ADCY9: variants seen among roughly 807,000 people sequenced by gnomAD.
ADCY9 encodes the protein adenylate cyclase type 9.
In ADCY9, 50 loss-of-function variants were observed where a neutral mutation model predicts 101.5. The ratio of observed to expected loss-of-function variants is 0.49; its 90% confidence interval spans 0.39 to 0.62. The LOEUF (loss-of-function observed/expected upper bound fraction) is 0.62, where lower values mean the gene tolerates loss of function less well. Ranked by LOEUF, ADCY9 falls within the 20% of genes least tolerant of loss-of-function variation. The pLI, the probability that ADCY9 is intolerant of heterozygous loss-of-function variation, is 0.00. For missense variants in ADCY9, 1,662 were observed against 1,800.4 expected (o/e 0.92, Z 1.39); for synonymous variants, 905 against 769.3 (o/e 1.18, Z -2.92).
At chr16:3,988,566 C>T (rs2072343) in intron 6 of ADCY9, among the ~76,000 whole-genome samples, 46,109 of 91,916 alleles carry the variant, frequency 0.5, 12,426 homozygotes, top group Non-Finnish European at 0.61. Flanking sequence ...GGTTCCTTTC[C>T]AGGGCAGGTG....
At position 4,051,307 on chromosome 16, in the gene ADCY9, C is replaced by T. The variant is rs544642011; in HGVS notation, c.1694-43749G>A. ...TTGGGAGGCTGAGGCAGGCAGATCA[C>T]GAGGTCAGGGGATTGAGACCATCCT... On this transcript the variant is annotated intron_variant, in intron 2 of 10. Coordinates refer to ENST00000294016, the MANE Select transcript of ADCY9 (RefSeq NM_001116.4). Among the ~76,000 whole-genome samples, 17 of 151,912 alleles carry T rather than the reference C, an allele frequency of 1.1e-4. No homozygotes were observed. In the South Asian group the frequency reaches 1.9e-3, roughly 17 times the overall value.
chr16:4,059,203 T>A (rs984215606), intron 2 of ADCY9, among the ~76,000 whole-genome samples: 4 of 151,534 alleles, frequency 2.6e-5, no homozygotes, highest in Non-Finnish European at 4.4e-5. Context: ...CTGGCCAACA[T>A]GATGAAACTC....
intron 2 of ADCY9, among the ~76,000 whole-genome samples, chr16:4,099,370 G>C (rs180993158): frequency 2.0e-4 from 31 of 152,272 alleles, no homozygotes; most frequent in Non-Finnish European, 1.0e-4. Context: ...CAAGGAACTC[G>C]AAGATGCACA....
At chr16:4,025,582 C>G (rs781427399) in intron 2 of ADCY9, among the ~76,000 whole-genome samples, 6 of 152,132 alleles carry the variant, frequency 3.9e-5, no homozygotes, top group Admixed American at 1.3e-4. Flanking sequence ...CACACGCGGT[C>G]AGTCCTTTGG....
chr16:4,061,070 T>A (rs943537021), intron 2 of ADCY9, among the ~76,000 whole-genome samples: 3 of 151,962 alleles, frequency 2.0e-5, no homozygotes, highest in Non-Finnish European at 2.9e-5. Context: ...TTCAAAAGTA[T>A]AATAACTGTA....
Position 3,966,272 on chromosome 16 carries a change from C to G in ADCY9, c.3565G>C (p.Asp1189His), listed in dbSNP as rs751041166. The change falls in exon 11 of 11, where the codon GAC (aspartate) becomes CAC (histidine). Residue 1189 changes from aspartate to histidine, a missense_variant. This residue lies in a region of ADCY9 where 220 missense variants were observed against 312.9 expected (regional missense o/e 0.70). Coordinates refer to ENST00000294016, the MANE Select transcript of ADCY9 (RefSeq NM_001116.4). Reference sequence around the variant, plus strand: ...ATCCTGCTGGCGATGTTGACGGTGTCTCCCCAGATGTCGTACAGCAGCTTG... The same window carrying G: ...ATCCTGCTGGCGATGTTGACGGTGTGTCCCCAGATGTCGTACAGCAGCTTG... ...TTKLLYDIWG[D>H]TVNIASRMDT... 2 of 1,614,208 alleles carry G rather than the reference C, an allele frequency of 1.2e-6. No individual in the cohort carries two copies. The highest frequency in any genetic ancestry group is 2.2e-5 in the East Asian group (1 of 44,888).
At chr16:4,035,232 A>G (rs2056581408) in intron 2 of ADCY9, among the ~76,000 whole-genome samples, 1 of 152,188 alleles carries the variant, frequency 6.6e-6, no homozygotes, top group Non-Finnish European at 1.5e-5. Flanking sequence ...GGCCTTTGCT[A>G]CCACAACAGC....
At chr16:4,088,588 A>G (rs2141186817) in intron 2 of ADCY9, among the ~76,000 whole-genome samples, 1 of 152,028 alleles carries the variant, frequency 6.6e-6, no homozygotes, top group East Asian at 1.9e-4. Flanking sequence ...CCAAACCAAG[A>G]TTCTTAATCT....
At chr16:4,019,366 A>G (rs555723195) in intron 2 of ADCY9, among the ~76,000 whole-genome samples, 7 of 152,330 alleles carry the variant, frequency 4.6e-5, no homozygotes, top group African/African-American at 1.7e-4. Flanking sequence ...GGGATGTCCC[A>G]GGCTGGGCGA....
chr16:4,034,945 T>C (rs571812925), intron 2 of ADCY9, among the ~76,000 whole-genome samples: 74 of 152,316 alleles, frequency 4.9e-4, no homozygotes, highest in African/African-American at 1.7e-3. Context: ...AGGAAATGTG[T>C]TGATTTGTTC....
In ADCY9 at chr16:3,966,558, G is replaced by A. The variant is rs551214944; in HGVS notation, c.3279C>T (p.Asp1093=). 8 of 1,614,144 alleles carry A rather than the reference G, an allele frequency of 5.0e-6. No homozygotes were observed. Among genetic ancestry groups the A allele is most frequent in the East Asian group, 2.2e-5 (1 of 44,884 alleles). The change falls in exon 11 of 11, where the codon GAC becomes GAT. Residue 1093 remains aspartate (D), a synonymous_variant. Coordinates refer to ENST00000294016, the MANE Select transcript of ADCY9 (RefSeq NM_001116.4). ...RVLNELIGDF[D]ELLSKPDYSS... is the part of the protein sequence containing the mutation. ...TGTAGTCCGGCTTGCTTAGGAGCTC[G>A]TCAAAGTCCCCGATGAGCTCGTTGA...
chr16:4,017,661 G>T, intron 2 of ADCY9, among the ~76,000 whole-genome samples: 1 of 134,872 alleles, frequency 7.4e-6, no homozygotes. Context: ...AAAAAAAAAA[G>T]ATAATGTGGT....
intron 5 of ADCY9, among the ~76,000 whole-genome samples, chr16:3,990,214 C>T (rs2056233015): frequency 6.6e-6 from 1 of 152,120 alleles, no homozygotes; most frequent in Non-Finnish European, 1.5e-5. Context: ...CTTGTAATCC[C>T]CAGACCTTTG....
intron 10 of ADCY9, among the ~76,000 whole-genome samples, chr16:3,969,613 T>TATATATATACG (rs1491520639): frequency 2.5e-5 from 2 of 81,038 alleles, no homozygotes; most frequent in East Asian, 4.3e-4. Flanking sequence ...TATATATGTA[T>TATATATATACG]TTTTTTTTTT....
chr16:3,960,941 G>A (rs567997528), downstream of ADCY9, among the ~76,000 whole-genome samples: 10 of 152,124 alleles, frequency 6.6e-5, no homozygotes, highest in South Asian at 2.1e-4. Flanking sequence ...GGCTTTCTCC[G>A]GTTAGTTTCA....
chr16:4,013,568 C>T (rs1393688554), intron 2 of ADCY9, among the ~76,000 whole-genome samples: 1 of 152,220 alleles, frequency 6.6e-6, no homozygotes, highest in Non-Finnish European at 1.5e-5. Flanking sequence ...TCACTTATGA[C>T]TTAAAACAAT....
intron 2 of ADCY9, among the ~76,000 whole-genome samples, chr16:4,038,589 G>C (rs185469206): frequency 6.6e-6 from 1 of 152,076 alleles, no homozygotes; most frequent in African/African-American, 2.4e-5. Flanking sequence ...GCAGTAAAAC[G>C]GACTGAGATA....
chr16:4,017,988 G>A (rs1301838449), intron 2 of ADCY9, among the ~76,000 whole-genome samples: 2 of 152,170 alleles, frequency 1.3e-5, no homozygotes, highest in South Asian at 2.1e-4. Flanking sequence ...CCACAGAAAC[G>A]CAGAAGCGGC....
chr16:4,086,011 A>G (rs2056935765), intron 2 of ADCY9, among the ~76,000 whole-genome samples: 1 of 151,922 alleles, frequency 6.6e-6, no homozygotes. Context: ...AAAATGAGAA[A>G]GACTCCGCTA....
Sources: allele counts gnomAD v4.1 joint callset (sites outside exome capture counted in the v4.1 genomes callset), GRCh38; gene constraint gnomAD v4.1.1; regional missense constraint gnomAD v4.1.1; transcripts MANE v1.5; gene names NCBI Gene and HGNC (gene_info 2026-07-23, HGNC 2026-07-21).